The following SPOCK3 variants were observed in gnomAD, a reference collection of about 807,000 sequenced individuals.
The protein encoded by SPOCK3 is testican-3.
A neutral mutation model predicts 56.6 loss-of-function variants in SPOCK3; 30 were observed. The ratio of observed to expected loss-of-function variants is 0.53; its 90% CI spans 0.40 to 0.72. SPOCK3 has a LOEUF of 0.72. SPOCK3 is among the 30% of genes least tolerant of loss of function. The probability of loss-of-function intolerance (pLI) is 0.00; values close to 1 mark genes in which losing one functional copy is unlikely to be tolerated. For missense variants in SPOCK3, 527 were observed against 530.0 expected, an observed-to-expected ratio of 0.99 and a Z score of 0.06; for synonymous variants, 196 against 183.3, an observed-to-expected ratio of 1.07 and a Z score of -0.56.
chr4:167,182,632 TG>T (rs1304695296), intron 2 of SPOCK3, among the ~76,000 whole-genome samples: 1 of 152,008 alleles, frequency 6.6e-6, no homozygotes, highest in African/African-American at 2.4e-5. Context: ...CCCTGCCTCC[TG>T]GGTTCAAGCG....
At chr4:166,738,503 T>A (rs1734463712) in intron 9 of SPOCK3, among the ~76,000 whole-genome samples, 1 of 151,354 alleles carries the variant, frequency 6.6e-6, no homozygotes, top group Non-Finnish European at 1.5e-5. Context: ...AGTTTTAGGG[T>A]ACACGTGCAC....
At chr4:167,133,987 T>G (rs947913607) in intron 2 of SPOCK3, among the ~76,000 whole-genome samples, 3 of 151,978 alleles carry the variant, frequency 2.0e-5, no homozygotes, top group African/African-American at 7.2e-5. Context: ...TTATTATGCT[T>G]TGCCTTATAA....
chr4:166,919,602 C>T (rs1334998085), intron 4 of SPOCK3, among the ~76,000 whole-genome samples: 1 of 152,116 alleles, frequency 6.6e-6, no homozygotes, highest in Non-Finnish European at 1.5e-5. Context: ...CATACTCTTT[C>T]CACCTACTTA....
At chr4:166,826,995 T>A (rs1269585652) in intron 6 of SPOCK3, among the ~76,000 whole-genome samples, 1 of 152,074 alleles carries the variant, frequency 6.6e-6, no homozygotes, top group South Asian at 2.1e-4. Context: ...ATTAAAAAAA[T>A]AAAAACATGA....
intron 2 of SPOCK3, among the ~76,000 whole-genome samples, chr4:167,129,823 A>C (rs1294046359): frequency 1.3e-5 from 2 of 152,150 alleles, no homozygotes; most frequent in Non-Finnish European, 2.9e-5. Context: ...TTGAAACTGC[A>C]TAAAAGGGTG....
chr4:167,105,463 T>TAAAAAAAAAAAAAAAAAAAAAAAAAAAAA (rs552028589), intron 2 of SPOCK3, among the ~76,000 whole-genome samples: 2 of 98,692 alleles, frequency 2.0e-5, no homozygotes, highest in African/African-American at 8.4e-5. Context: ...ACACAAAAAT[T>TAAAAAAAAAAAAAAAAAAAAAAAAAAAAA]AAAAAAAAAA....
At chr4:166,931,048 C>G (rs1389101556) in intron 4 of SPOCK3, among the ~76,000 whole-genome samples, 1 of 152,078 alleles carries the variant, frequency 6.6e-6, no homozygotes, top group Non-Finnish European at 1.5e-5. Context: ...GTGGTGCGAT[C>G]TCAGCTCACT....
chr4:167,196,754 C>G (rs75959822), intron 2 of SPOCK3, among the ~76,000 whole-genome samples: 1,932 of 152,048 alleles, frequency 0.013, 38 homozygotes, highest in African/African-American at 0.039. Context: ...TTTATATTAT[C>G]AGGGTCCACT....
At chr4:167,033,494 T>C (rs1034484615) in intron 3 of SPOCK3, among the ~76,000 whole-genome samples, 3 of 151,602 alleles carry the variant, frequency 2.0e-5, no homozygotes, top group Non-Finnish European at 4.4e-5. Flanking sequence ...ACCAGTCTTA[T>C]AAGAATTTTT....
chr4:166,871,368 AG>A (rs1330508280), intron 6 of SPOCK3, among the ~76,000 whole-genome samples: 6 of 152,112 alleles, frequency 3.9e-5, no homozygotes, highest in Non-Finnish European at 7.4e-5. Flanking sequence ...GACAGACCAA[AG>A]GGTCGTCACT....
chr4:166,794,090 C>A (rs974277797), intron 6 of SPOCK3, among the ~76,000 whole-genome samples: 1 of 150,850 alleles, frequency 6.6e-6, no homozygotes, highest in Admixed American at 6.6e-5. Flanking sequence ...AGGGACAGAG[C>A]AATGTACAGA....
intron 2 of SPOCK3, among the ~76,000 whole-genome samples, chr4:167,108,977 ATTATAAATATATATTTAT>A (rs1561223596): frequency 3.6e-4 from 18 of 50,684 alleles, no homozygotes; most frequent in South Asian, 1.7e-3. Context: ...ATATATAAAT[ATTATAAATATATATTTAT>A]ATATATATAA....
At chr4:167,192,821 T>C (rs1466890364) in intron 2 of SPOCK3, among the ~76,000 whole-genome samples, 1 of 146,406 alleles carries the variant, frequency 6.8e-6, no homozygotes, top group African/African-American at 2.6e-5. Context: ...TGTTTCAAGA[T>C]ACTTTTTTAT....
chr4:167,207,008 A>G (rs945864891), intron 2 of SPOCK3, among the ~76,000 whole-genome samples: 3 of 152,080 alleles, frequency 2.0e-5, no homozygotes, highest in South Asian at 4.1e-4. Context: ...TATGCTAATT[A>G]CCCTGATCTT....
chr4:166,960,111 G>A (rs1743981681), intron 4 of SPOCK3, among the ~76,000 whole-genome samples: 1 of 152,116 alleles, frequency 6.6e-6, no homozygotes. Context: ...ACATTAGACA[G>A]TATGGAAATG....
At chr4:167,078,288 T>C (rs1757382055) in intron 2 of SPOCK3, among the ~76,000 whole-genome samples, 1 of 151,212 alleles carries the variant, frequency 6.6e-6, no homozygotes, top group Admixed American at 6.6e-5. Context: ...TGTATACCTA[T>C]GTGTATCCAG....
At chr4:166,970,811 C>T (rs1040845667) in intron 4 of SPOCK3, among the ~76,000 whole-genome samples, 1 of 152,068 alleles carries the variant, frequency 6.6e-6, no homozygotes, top group Non-Finnish European at 1.5e-5. Context: ...AAACCCCAAC[C>T]CCATGAAATA....
intron 2 of SPOCK3, among the ~76,000 whole-genome samples, chr4:167,080,493 C>G (rs1414771695): frequency 6.6e-6 from 1 of 151,982 alleles, no homozygotes; most frequent in African/African-American, 2.4e-5. Flanking sequence ...CTCATCTCCA[C>G]CCAAAGGAAA....
intron 2 of SPOCK3, among the ~76,000 whole-genome samples, chr4:167,121,556 T>G (rs1268156639): frequency 6.6e-6 from 1 of 151,968 alleles, no homozygotes; most frequent in Non-Finnish European, 1.5e-5. Flanking sequence ...TAGGAAGAGA[T>G]AAGAGGAAAA....
Sources: allele counts gnomAD v4.1 joint callset (sites outside exome capture counted in the v4.1 genomes callset), GRCh38; gene constraint gnomAD v4.1.1; transcripts MANE v1.5; gene names NCBI Gene and HGNC (gene_info 2026-07-23, HGNC 2026-07-21).